The following SHOC1 variants were observed in gnomAD, a reference collection of about 807,000 sequenced individuals.
SHOC1 encodes shortage in chiasmata 1, also known as protein shortage in chiasmata 1 ortholog.
Under a neutral mutation model 179.2 loss-of-function variants are expected in SHOC1, and 136 were observed. The observed-to-expected ratio is 0.76, with a 90% CI of 0.66 to 0.87. SHOC1 has a LOEUF of 0.87. SHOC1 is among the 40% of genes least tolerant of loss of function. SHOC1 has a pLI of 0.00. For missense variants in SHOC1, 1,538 were observed against 1,700.8 expected, an observed-to-expected ratio of 0.90 and a Z score of 1.68; for synonymous variants, 489 against 586.6, an observed-to-expected ratio of 0.83 and a Z score of 2.41.
chr9:111,793,816 C>T (rs1167074401), intron 1 of SHOC1, among the ~76,000 whole-genome samples: 1 of 151,640 alleles, frequency 6.6e-6, no homozygotes, highest in Non-Finnish European at 1.5e-5. Context: ...AGTAAGCTTT[C>T]CCAAGATGAT....
At chr9:111,697,732 G>T (rs1337641724) in intron 24 of SHOC1, among the ~76,000 whole-genome samples, 1 of 152,148 alleles carries the variant, frequency 6.6e-6, no homozygotes, top group African/African-American at 2.4e-5. Flanking sequence ...GGGTCAAATG[G>T]TATTTCTAGT....
chr9:111,742,487 T>A (rs1834087351), intron 10 of SHOC1, among the ~76,000 whole-genome samples: 1 of 139,894 alleles, frequency 7.1e-6, no homozygotes, highest in African/African-American at 2.8e-5. Flanking sequence ...TTAGGGGTAC[T>A]CGGGGGGAGA....
intron 12 of SHOC1, among the ~76,000 whole-genome samples, chr9:111,735,667 A>G (rs959090597): frequency 5.9e-5 from 9 of 152,168 alleles, no homozygotes; most frequent in Non-Finnish European, 1.3e-4. Flanking sequence ...GTGTCTTTAT[A>G]GCAGAATGAT....
chr9:111,785,527 A>G (rs1011984766), intron 3 of SHOC1, among the ~76,000 whole-genome samples: 3 of 152,196 alleles, frequency 2.0e-5, no homozygotes, highest in African/African-American at 7.2e-5. Context: ...CCATGACTTG[A>G]TACAAACAAA....
intron 5 of SHOC1, among the ~76,000 whole-genome samples, chr9:111,763,997 C>T (rs562810616): frequency 6.6e-6 from 1 of 152,160 alleles, no homozygotes; most frequent in South Asian, 2.1e-4. Flanking sequence ...CAGTTACCCA[C>T]AGTCAACTGC....
intron 20 of SHOC1, 85 bp from the exon 21 acceptor site, chr9:111,705,449 T>C: frequency 5.6e-6 from 3 of 539,014 alleles, no homozygotes; most frequent in Non-Finnish European, 9.7e-6. Context: ...AACATGAGGA[T>C]AAGTAGGAGT....
At chr9:111,721,565 C>T (rs1833055090) in intron 15 of SHOC1, among the ~76,000 whole-genome samples, 1 of 152,164 alleles carries the variant, frequency 6.6e-6, no homozygotes, top group East Asian at 1.9e-4. Flanking sequence ...GTCTCGAACT[C>T]CTGACCTCAG....
intron 26 of SHOC1, among the ~76,000 whole-genome samples, chr9:111,693,169 G>A (rs566362367): frequency 6.6e-6 from 1 of 151,896 alleles, no homozygotes; most frequent in East Asian, 1.9e-4. Context: ...AACCAGGTGT[G>A]GTGGTGCACA....
chr9:111,695,854 T>C (rs1831663829), intron 24 of SHOC1, among the ~76,000 whole-genome samples: 1 of 152,284 alleles, frequency 6.6e-6, no homozygotes, highest in Middle Eastern at 3.4e-3. Flanking sequence ...TAGAAAGATA[T>C]CTTTTGTTTC....
At chr9:111,777,538 G>C (rs545695986) in intron 4 of SHOC1, among the ~76,000 whole-genome samples, 1 of 152,138 alleles carries the variant, frequency 6.6e-6, no homozygotes, top group African/African-American at 2.4e-5. Context: ...CAATTTTTGC[G>C]AAGGCGGTTT....
intron 5 of SHOC1, among the ~76,000 whole-genome samples, chr9:111,769,179 T>C (rs765465760): frequency 4.6e-5 from 7 of 152,184 alleles, no homozygotes; most frequent in Non-Finnish European, 1.0e-4. Flanking sequence ...ACGATTTTTG[T>C]ATCTATGTTC....
rs917055591 is a variant in SHOC1 at position 111,699,545 on chromosome 9, G to A, written c.3183+409C>T. On this transcript the variant is annotated intron_variant, in intron 24 of 27. Coordinates refer to ENST00000682961, the MANE Select transcript of SHOC1 (RefSeq NM_001378211.1). ...CTTGGACAAATGTCTAAATTTCAGAGTGGGACACTGAAAAAGGGGGCCAAG... is the reference window on the plus strand; with the variant it reads ...CTTGGACAAATGTCTAAATTTCAGAATGGGACACTGAAAAAGGGGGCCAAG... Among the ~76,000 whole-genome samples the A allele has an allele frequency of 7.9e-5, 12 of 152,156 alleles. 1 individual carries two copies. The highest frequency in any genetic ancestry group is 1.6e-4 in the Non-Finnish European group (11 of 68,014).
chr9:111,775,168 T>C (rs907982427), intron 5 of SHOC1, among the ~76,000 whole-genome samples: 1 of 152,034 alleles, frequency 6.6e-6, no homozygotes, highest in African/African-American at 2.4e-5. Flanking sequence ...CTAATTTTTG[T>C]ATTTTGAGTA....
chr9:111,691,422 T>C (rs1831414497), intron 27 of SHOC1, 129 bp downstream of exon 27: 3 of 784,358 alleles, frequency 3.8e-6, no homozygotes, highest in Non-Finnish European at 5.9e-6. Flanking sequence ...TTTTCTCTTT[T>C]ACCCAACAGT....
At chr9:111,725,831 G>C (rs926374433) in intron 13 of SHOC1, among the ~76,000 whole-genome samples, 1 of 152,088 alleles carries the variant, frequency 6.6e-6, no homozygotes, top group African/African-American at 2.4e-5. Context: ...AAAGATTTCA[G>C]AATTTTGTGA....
chr9:111,739,042 C>T lies in SHOC1; in HGVS notation c.1175-520G>A, dbSNP rs562795926. On this transcript the variant is annotated intron_variant, in intron 11 of 27. Coordinates refer to ENST00000682961, the MANE Select transcript of SHOC1 (RefSeq NM_001378211.1). Reference sequence around the variant, plus strand: ...TGGAGGAACTGAAGTAGCACAACTACCTAATATTATTATCTGCATTATAAA... The same window carrying T: ...TGGAGGAACTGAAGTAGCACAACTATCTAATATTATTATCTGCATTATAAA... Among the ~76,000 whole-genome samples the T allele has an allele frequency of 1.4e-4, 22 of 152,130 alleles. 1 individual carries two copies. The highest frequency in any genetic ancestry group is 4.6e-4 in the African/African-American group (19 of 41,548).
chr9:111,691,988 C>G lies in SHOC1; in HGVS notation c.3989G>C (p.Arg1330Thr). 1 of 1,613,254 alleles carries G rather than the reference C, an allele frequency of 6.2e-7. No individual in the cohort carries two copies. The highest frequency in any genetic ancestry group is 8.5e-7 in the Non-Finnish European group (1 of 1,179,702). ...VPRFINSQKR[R>T]THEAKGFINK... The stretch of plus-strand genomic sequence containing the variant: ...TATGAAACCTTTTGCTTCATGTGTT[C>G]TCCTTTTCTGAGAATTTATAAAACG... Residue 1330 changes from arginine (R) to threonine (T), a missense_variant, in exon 27 of 28, where the codon AGA becomes ACA. Coordinates refer to ENST00000682961, the MANE Select transcript of SHOC1 (RefSeq NM_001378211.1).
intron 5 of SHOC1, among the ~76,000 whole-genome samples, chr9:111,765,771 T>C (rs527710209): frequency 6.6e-6 from 1 of 151,774 alleles, no homozygotes; most frequent in African/African-American, 2.4e-5. Flanking sequence ...TAGAGTGCAG[T>C]GGCACGATCT....
intron 15 of SHOC1, among the ~76,000 whole-genome samples, chr9:111,722,179 A>G (rs1833084858): frequency 6.6e-6 from 1 of 152,152 alleles, no homozygotes; most frequent in Non-Finnish European, 1.5e-5. Context: ...GTCAAGTAAT[A>G]TATGTCAATT....
Sources: gnomAD v4.1 joint callset for allele counts (sites outside exome capture counted in the v4.1 genomes callset) on GRCh38, gnomAD v4.1.1 for gene constraint, MANE v1.5 for transcripts, NCBI Gene and HGNC (gene_info 2026-07-23, HGNC 2026-07-21) for gene names.